Variants in EFEMP1 observed in about 807,000 individuals in gnomAD.
The protein encoded by EFEMP1 is EGF-containing fibulin-like extracellular matrix protein 1.
In EFEMP1, 18 loss-of-function variants were observed where a neutral mutation model predicts 65.7. That is an observed-to-expected ratio of 0.27 (90% CI 0.19 to 0.41). EFEMP1 has a LOEUF of 0.41. Among genes scored for constraint, EFEMP1 ranks in the 10% least tolerant of loss-of-function variants. EFEMP1 has a pLI of 1.00. For synonymous variants in EFEMP1, 237 were observed against 219.7 expected, an observed-to-expected ratio of 1.08 and a Z score of -0.70; for missense variants, 469 against 624.8, an observed-to-expected ratio of 0.75 and a Z score of 2.66.
chr2:55,922,119 T>G lies in EFEMP1; in HGVS notation c.81+241A>C, dbSNP rs924762194. On this transcript the variant is annotated intron_variant, in intron 3 of 11. Coordinates refer to ENST00000355426, the MANE Select transcript of EFEMP1 (RefSeq NM_001039348.3). This position sits in a 1 kb window ranked among gnomAD's most constrained non-coding sequence, Gnocchi z 5.5. ...TTTAGTTTTTGAACGGATCCCATTT[T>G]TAGCCCTGCACAAATGATTACATGT... The G allele has an allele frequency of 7.8e-5, 37 of 475,598 alleles. No homozygotes were observed. The highest frequency in any genetic ancestry group is 7.1e-4 in the African/African-American group (36 of 50,734). The allele number at this position is 475,598 out of a possible 1,614,324, so 29.5% of individuals were successfully genotyped here.
intron 4 of EFEMP1, 75 bp from the exon 5 acceptor site, chr2:55,918,126 C>T: frequency 6.2e-7 from 1 of 1,613,156 alleles, no homozygotes; most frequent in East Asian, 2.2e-5. Flanking sequence ...ATGCTCATGC[C>T]TTTTTGGTAT....
At chr2:55,896,712 A>G (rs548962411) in intron 5 of EFEMP1, among the ~76,000 whole-genome samples, 1 of 152,350 alleles carries the variant, frequency 6.6e-6, no homozygotes, top group Non-Finnish European at 1.5e-5. Flanking sequence ...TAAATTTTAA[A>G]AGTAAATGAT....
chr2:55,906,101 C>T (rs1366549162), intron 5 of EFEMP1, among the ~76,000 whole-genome samples: 1 of 151,868 alleles, frequency 6.6e-6, no homozygotes, highest in African/African-American at 2.4e-5. Flanking sequence ...AATTGCACGA[C>T]AATTAAATTT....
rs1196441502 is a variant in EFEMP1, at chr2:55,871,281, T to C, written c.1001-158A>G. On this transcript the variant is annotated intron_variant, in intron 9 of 11. Transcript: ENST00000355426. The surrounding 1 kb of genome is among the most constrained non-coding windows in gnomAD (Gnocchi z 4.2). ...GACACAAGACTGGGTGTTCATTGTA[T>C]TGAATTCAGGACAGACAGAGCTGAG... Among the ~76,000 whole-genome samples the C allele has an allele frequency of 6.6e-6, 1 of 152,176 alleles. No homozygotes were observed. The highest frequency in any genetic ancestry group is 1.9e-4 in the East Asian group (1 of 5,192).
intron 5 of EFEMP1, among the ~76,000 whole-genome samples, chr2:55,909,391 A>G (rs1670398593): frequency 6.6e-6 from 1 of 152,188 alleles, no homozygotes; most frequent in Non-Finnish European, 1.5e-5. Flanking sequence ...GTGGTTCATC[A>G]ATTGTTCTTT....
chr2:55,881,744 A>G lies in EFEMP1; in HGVS notation c.518-10T>C. The G allele has an allele frequency of 1.2e-6, 2 of 1,613,942 alleles. No individual in the cohort carries two copies. Among genetic ancestry groups the G allele is most frequent in the Non-Finnish European group, 1.7e-6 (2 of 1,179,864 alleles). On this transcript the variant is annotated splice_polypyrimidine_tract_variant and intron_variant, in intron 5 of 11. Coordinates refer to ENST00000355426, the MANE Select transcript of EFEMP1 (RefSeq NM_001039348.3). ...GTGCACTCGTCTATGTCTGTCAGAGACATGCAACACAGAAAGAATTGTCAG... is the reference window on the plus strand; with the variant it reads ...GTGCACTCGTCTATGTCTGTCAGAGGCATGCAACACAGAAAGAATTGTCAG...
At chr2:55,874,891 G>C in intron 9 of EFEMP1, 55 bp downstream of exon 9, 2 of 1,550,318 alleles carry the variant, frequency 1.3e-6, no homozygotes, top group Non-Finnish European at 1.8e-6. Flanking sequence ...ACTTCCTCTT[G>C]TCTCTTCCTG....
At position 55,870,924 on chromosome 2, in the gene EFEMP1, A is replaced by C; in HGVS notation, c.1125-9T>G. Reference sequence around the variant, plus strand: ...CTGGGCAAACACATCGGCTGCAGAGACAAACAAAAGTATTCAGCAGTTTGG... The same window carrying C: ...CTGGGCAAACACATCGGCTGCAGAGCCAAACAAAAGTATTCAGCAGTTTGG... On this transcript the variant is annotated splice_polypyrimidine_tract_variant and intron_variant, in intron 10 of 11. Transcript: ENST00000355426. The surrounding 1 kb of genome is among the most constrained non-coding windows in gnomAD (Gnocchi z 5.8). 6.2e-7 allele frequency: 1 copy of C among 1,613,754 alleles called. No individual in the cohort carries two copies. Among genetic ancestry groups the C allele is most frequent in the South Asian group, 1.1e-5 (1 of 91,074 alleles).
chr2:55,876,831 T>G, intron 7 of EFEMP1, 89 bp from the exon 8 acceptor site: 1 of 784,974 alleles, frequency 1.3e-6, no homozygotes, highest in Non-Finnish European at 1.8e-6. Context: ...CCTTACTCTT[T>G]TGTACCTACG....
chr2:55,919,307 C>T lies in EFEMP1; in HGVS notation c.82-1040G>A, dbSNP rs972966020. Among the ~76,000 whole-genome samples the T allele has an allele frequency of 1.3e-5, 2 of 152,168 alleles. No individual in the cohort carries two copies. The highest frequency in any genetic ancestry group is 2.4e-5 in the African/African-American group (1 of 41,430). On this transcript the variant is annotated intron_variant, in intron 3 of 11. Transcript: ENST00000355426. This position sits in a 1 kb window ranked among gnomAD's most constrained non-coding sequence, Gnocchi z 4.5. ...ACCCTGAAGGTCAGTGAATCTCAAG[C>T]TTTATTGTGTCTAAGGATCATTCAG...
At chr2:55,875,331 T>TACACACACACACACACACACAC (rs747889223) in intron 8 of EFEMP1, among the ~76,000 whole-genome samples, 3 of 105,882 alleles carry the variant, frequency 2.8e-5, no homozygotes, top group African/African-American at 1.3e-4. Context: ...CTGGGTTTCA[T>TACACACACACACACACACACAC]ATATACACAC....
At chr2:55,904,507 A>T (rs1327555538) in intron 5 of EFEMP1, among the ~76,000 whole-genome samples, 1 of 152,254 alleles carries the variant, frequency 6.6e-6, no homozygotes, top group East Asian at 1.9e-4. Flanking sequence ...TGAGTAAAGC[A>T]GATGGCCCTC....
chr2:55,904,908 A>G (rs1369309534), intron 5 of EFEMP1, among the ~76,000 whole-genome samples: 1 of 150,948 alleles, frequency 6.6e-6, no homozygotes, highest in Non-Finnish European at 1.5e-5. Flanking sequence ...TTGACTAAAT[A>G]CAGAGGTTCA....
chr2:55,875,335 T>TACACACACAC (rs768780443), intron 8 of EFEMP1, among the ~76,000 whole-genome samples: 1 of 125,434 alleles, frequency 8.0e-6, no homozygotes, highest in African/African-American at 3.2e-5. Flanking sequence ...GTTTCATATA[T>TACACACACAC]ACACACACAC....
At chr2:55,910,879 C>A (rs997133819) in intron 5 of EFEMP1, among the ~76,000 whole-genome samples, 1 of 152,120 alleles carries the variant, frequency 6.6e-6, no homozygotes, top group Non-Finnish European at 1.5e-5. Flanking sequence ...CTGAAGGATA[C>A]TTTACAGTCA....
rs1668822333 is a variant in EFEMP1 at position 55,871,824 on chromosome 2, G to A, written c.1001-701C>T. Among the ~76,000 whole-genome samples the A allele has an allele frequency of 6.6e-6, 1 of 152,052 alleles. No homozygotes were observed. Among genetic ancestry groups the A allele is most frequent in the Non-Finnish European group, 1.5e-5 (1 of 67,996 alleles). On this transcript the variant is annotated intron_variant, in intron 9 of 11. Coordinates refer to ENST00000355426, the MANE Select transcript of EFEMP1 (RefSeq NM_001039348.3). This position sits in a 1 kb window ranked among gnomAD's most constrained non-coding sequence, Gnocchi z 4.2. ...AGCACAGGAAGTGAAACTATGAAGTGTTCCACCTCATAGAGCATAGCAATT... is the reference window on the plus strand; with the variant it reads ...AGCACAGGAAGTGAAACTATGAAGTATTCCACCTCATAGAGCATAGCAATT...
chr2:55,908,404 A>T (rs1459085220), intron 5 of EFEMP1, among the ~76,000 whole-genome samples: 2 of 152,188 alleles, frequency 1.3e-5, no homozygotes, highest in Non-Finnish European at 2.9e-5. Flanking sequence ...TCATAGAAGT[A>T]GAGGGAAAAA....
rs147090925 is a variant in EFEMP1 at position 55,883,034 on chromosome 2, A to C, written c.518-1300T>G. On this transcript the variant is annotated intron_variant, in intron 5 of 11. Transcript: ENST00000355426. The surrounding 1 kb of genome is among the most constrained non-coding windows in gnomAD (Gnocchi z 4.5). ...ACACTATGCAGTATAATAATATATG[A>C]AGTTGAGATTGTAAAAGGGTTGTCC... is the stretch of plus-strand genomic sequence containing the variant. Among the ~76,000 whole-genome samples the C allele has an allele frequency of 7.6e-3, 1,153 of 152,276 alleles. 14 individuals carry two copies. The highest frequency in any genetic ancestry group is 0.026 in the African/African-American group (1,085 of 41,564).
chr2:55,912,653 C>G (rs1258964225), intron 5 of EFEMP1, among the ~76,000 whole-genome samples: 1 of 152,120 alleles, frequency 6.6e-6, no homozygotes, highest in Non-Finnish European at 1.5e-5. Flanking sequence ...CCTATGTACA[C>G]TGTAATTTGT....
Sources: allele counts gnomAD v4.1 joint callset (sites outside exome capture counted in the v4.1 genomes callset), GRCh38; gene constraint gnomAD v4.1.1; non-coding constraint Gnocchi (gnomAD v3.1); transcripts MANE v1.5; gene names NCBI Gene and HGNC (gene_info 2026-07-23, HGNC 2026-07-21).